The following VEPH1 variants were observed in gnomAD, a reference collection of about 807,000 sequenced individuals.
VEPH1 encodes ventricular zone expressed PH domain containing 1.
In VEPH1, 80 loss-of-function variants were observed where a neutral mutation model predicts 85.2. The observed-to-expected ratio is 0.94, with a 90% CI of 0.78 to 1.13. The LOEUF is 1.13. VEPH1 is among the 50% of genes most tolerant of loss of function. The pLI is 0.00. For synonymous variants in VEPH1, 297 were observed against 348.0 expected, an observed-to-expected ratio of 0.85 and a Z score of 1.63; for missense variants, 955 against 980.5, an observed-to-expected ratio of 0.97 and a Z score of 0.35.
At chr3:157,491,601 T>C (rs1048554970) in intron 2 of VEPH1, among the ~76,000 whole-genome samples, 1 of 152,160 alleles carries the variant, frequency 6.6e-6, no homozygotes, top group African/African-American at 2.4e-5. Context: ...AAAGTTTAAT[T>C]ATTTTTGTGA....
chr3:157,457,156 C>A (rs1487722146), intron 4 of VEPH1, among the ~76,000 whole-genome samples: 3 of 152,080 alleles, frequency 2.0e-5, no homozygotes, highest in Non-Finnish European at 4.4e-5. Context: ...AATGGGATTG[C>A]ATTTCTGATT....
At chr3:157,410,494 A>G (rs1731453190) in intron 6 of VEPH1, among the ~76,000 whole-genome samples, 1 of 152,158 alleles carries the variant, frequency 6.6e-6, no homozygotes, top group Non-Finnish European at 1.5e-5. Flanking sequence ...ATATACACAC[A>G]TGCACATCTT....
chr3:157,333,601 T>C (rs996359396), intron 9 of VEPH1, among the ~76,000 whole-genome samples: 1 of 152,204 alleles, frequency 6.6e-6, no homozygotes, highest in Non-Finnish European at 1.5e-5. Context: ...CAGAGCCACT[T>C]TGTGGTCACA....
At chr3:157,494,375 G>A (rs1739483585) in intron 2 of VEPH1, among the ~76,000 whole-genome samples, 1 of 152,172 alleles carries the variant, frequency 6.6e-6, no homozygotes, top group Admixed American at 6.5e-5. Context: ...GGGAGGATGT[G>A]GGTGGATGCC....
intron 7 of VEPH1, among the ~76,000 whole-genome samples, chr3:157,373,301 T>C (rs1274182966): frequency 2.6e-5 from 4 of 152,190 alleles, no homozygotes; most frequent in Non-Finnish European, 5.9e-5. Context: ...ACTGGTGATA[T>C]AGCACGGTAA....
At chr3:157,458,646 T>C (rs1259962161) in intron 4 of VEPH1, among the ~76,000 whole-genome samples, 1 of 152,174 alleles carries the variant, frequency 6.6e-6, no homozygotes, top group African/African-American at 2.4e-5. Context: ...CACTTGTCAG[T>C]TTTTGTTTTT....
intron 6 of VEPH1, among the ~76,000 whole-genome samples, chr3:157,408,500 C>T (rs1731300020): frequency 6.6e-6 from 1 of 152,138 alleles, no homozygotes; most frequent in South Asian, 2.1e-4. Flanking sequence ...CTCATTCAGT[C>T]TTATGGCCAC....
intron 4 of VEPH1, chr3:157,437,841 A>G (rs748700289): frequency 4.0e-6 from 6 of 1,495,460 alleles, no homozygotes; most frequent in South Asian, 2.5e-5. Context: ...CCGCGGTGCT[A>G]GAGGAGCTGC....
intron 9 of VEPH1, among the ~76,000 whole-genome samples, chr3:157,348,804 C>T (rs997998300): frequency 5.3e-5 from 8 of 152,220 alleles, no homozygotes; most frequent in African/African-American, 1.7e-4. Context: ...TTATCCATTG[C>T]TGTGGTCCTC....
chr3:157,337,145 A>G (rs1723048152), intron 9 of VEPH1, among the ~76,000 whole-genome samples: 1 of 150,876 alleles, frequency 6.6e-6, no homozygotes, highest in African/African-American at 2.4e-5. Context: ...GTATTTATAT[A>G]TAAAGAAATA....
At chr3:157,322,012 A>C (rs922602237) in intron 9 of VEPH1, among the ~76,000 whole-genome samples, 7 of 152,124 alleles carry the variant, frequency 4.6e-5, no homozygotes, top group African/African-American at 1.7e-4. Flanking sequence ...GCTGGCATTA[A>C]ATACATTCAC....
intron 12 of VEPH1, among the ~76,000 whole-genome samples, chr3:157,276,425 T>C (rs1577214987): frequency 6.6e-6 from 1 of 152,188 alleles, no homozygotes; most frequent in East Asian, 1.9e-4. Context: ...AATTTTGGGA[T>C]AGGGTGAGAA....
chr3:157,480,559 TTC>T (rs1284813128), intron 2 of VEPH1, among the ~76,000 whole-genome samples: 1 of 152,142 alleles, frequency 6.6e-6, no homozygotes. Flanking sequence ...CATATTTAGT[TTC>T]TGTTTCTGCT....
At position 157,363,465 on chromosome 3, in the gene VEPH1, T is replaced by C. The variant is rs1214754771; in HGVS notation, c.1634A>G (p.Asp545Gly). The C allele has an allele frequency of 2.5e-6, 4 of 1,613,968 alleles. No homozygotes were observed. The highest frequency in any genetic ancestry group is 1.3e-5 in the African/African-American group (1 of 74,896). The change falls in exon 9 of 14, where the codon GAT (aspartate) becomes GGT (glycine). Residue 545 changes from aspartate to glycine, a missense_variant. Asp to Gly is a moderately conservative substitution (Grantham distance 94, BLOSUM62 -1). Coordinates refer to ENST00000362010, the MANE Select transcript of VEPH1 (RefSeq NM_001167912.2). ...TTTTTTTAAGTGCAAGTAGAGCTTA[T>C]CTTGGTATTCTATAGGACTTGCAGT... ...ETTASPIEYQ[D>G]KLYLHLKKNL...
chr3:157,416,127 A>G (rs1731892152), intron 5 of VEPH1, among the ~76,000 whole-genome samples: 1 of 152,174 alleles, frequency 6.6e-6, no homozygotes, highest in Non-Finnish European at 1.5e-5. Flanking sequence ...TTGAGTTAAT[A>G]AGTTTTTGAG....
At chr3:157,272,326 C>CTCTCTT (rs1714712875) in intron 12 of VEPH1, among the ~76,000 whole-genome samples, 1 of 150,668 alleles carries the variant, frequency 6.6e-6, no homozygotes, top group Non-Finnish European at 1.5e-5. Flanking sequence ...CCCTCTCTCT[C>CTCTCTT]TCTCTTTCTT....
At chr3:157,298,873 T>C (rs1162396795) in intron 11 of VEPH1, among the ~76,000 whole-genome samples, 2 of 152,220 alleles carry the variant, frequency 1.3e-5, no homozygotes, top group East Asian at 3.8e-4. Flanking sequence ...AACCAACATT[T>C]TTCCAATCCA....
intron 4 of VEPH1, 177 bp downstream of exon 4, chr3:157,460,004 A>G (rs1441526795): frequency 6.5e-7 from 1 of 1,544,398 alleles, no homozygotes; most frequent in Non-Finnish European, 8.7e-7. Context: ...GGGAAGGGAC[A>G]CAGACAGCCA....
intron 4 of VEPH1, among the ~76,000 whole-genome samples, chr3:157,429,745 A>G (rs1226907953): frequency 3.9e-5 from 6 of 152,180 alleles, no homozygotes; most frequent in Non-Finnish European, 8.8e-5. Context: ...AAGATCAGGA[A>G]TTTTTTAATG....
Sources: allele counts gnomAD v4.1 joint callset (sites outside exome capture counted in the v4.1 genomes callset), GRCh38; gene constraint gnomAD v4.1.1; transcripts MANE v1.5; gene names NCBI Gene and HGNC (gene_info 2026-07-23, HGNC 2026-07-21).